The following LRBA variants were observed in gnomAD, a reference collection of about 807,000 sequenced individuals.
The protein encoded by LRBA is LPS responsive beige-like anchor protein.
LRBA carries 176 observed loss-of-function variants against 330.0 expected under a neutral mutation model. The ratio of observed to expected loss-of-function variants is 0.53; its 90% CI spans 0.47 to 0.60. LRBA has a LOEUF of 0.60. LRBA is among the 20% of genes least tolerant of loss of function. The pLI is 0.00. For missense variants in LRBA, 3,259 were observed against 3,444.8 expected (o/e 0.95, Z 1.35); for synonymous variants, 1,230 against 1,193.0 (o/e 1.03, Z -0.64).
In LRBA at chr4:150,753,355, A is replaced by G. The variant is rs1167636388; in HGVS notation, c.5645+8428T>C. 2.6e-5 allele frequency among the ~76,000 whole-genome samples: 4 copies of G among 152,242 alleles called. No homozygotes were observed. The South Asian group carries it at 8.3e-4, about 32-fold the overall frequency. ...ACCAGCACGTGGCCAGTATGGATTA[A>G]TATTTGCTGAACAAAGTGAATGACG... is the stretch of plus-strand genomic sequence containing the variant. On this transcript the variant is annotated intron_variant, in intron 35 of 56. Coordinates refer to ENST00000651943, the MANE Select transcript of LRBA (RefSeq NM_001364905.1).
intron 30 of LRBA, among the ~76,000 whole-genome samples, chr4:150,817,858 A>T (rs1744833854): frequency 6.6e-6 from 1 of 152,090 alleles, no homozygotes; most frequent in Non-Finnish European, 1.5e-5. Flanking sequence ...TTAAAATGTA[A>T]TACTTTATAC....
intron 2 of LRBA, among the ~76,000 whole-genome samples, chr4:150,946,785 A>G (rs544395714): frequency 1.3e-5 from 2 of 152,188 alleles, no homozygotes; most frequent in East Asian, 1.9e-4. Flanking sequence ...AACAATAATC[A>G]ATGAAGAGCT....
chr4:150,657,764 T>A (rs903287918), intron 37 of LRBA, among the ~76,000 whole-genome samples: 5 of 152,164 alleles, frequency 3.3e-5, no homozygotes, highest in African/African-American at 1.2e-4. Flanking sequence ...TAATAACACA[T>A]GTATGTTTAC....
chr4:150,333,011 A>T (rs1734185600), intron 48 of LRBA, among the ~76,000 whole-genome samples: 1 of 152,138 alleles, frequency 6.6e-6, no homozygotes. Context: ...AAAAAGAGAC[A>T]ATATATATAG....
chr4:150,286,027 A>G lies in LRBA; in HGVS notation c.8025T>C (p.Thr2675=). The G allele has an allele frequency of 2.6e-6, 4 of 1,568,302 alleles. No individual in the cohort carries two copies. Among genetic ancestry groups the G allele is most frequent in the Non-Finnish European group, 3.5e-6 (4 of 1,157,032 alleles). ...SGIGDNPGSE[T]AAPRAILTGH... is the part of the protein sequence containing the mutation. ...CGGTCAAAATGGCCCGAGGAGCAGCAGTCTCACCTTTAGGAAAAAACAGAT... is the reference window on the plus strand; with the variant it reads ...CGGTCAAAATGGCCCGAGGAGCAGCGGTCTCACCTTTAGGAAAAAACAGAT... Residue 2675 remains threonine (T), a synonymous_variant, in exon 54 of 57, where the codon ACT becomes ACC. Transcript: ENST00000651943.
intron 2 of LRBA, among the ~76,000 whole-genome samples, chr4:150,951,982 A>G (rs553385467): frequency 1.3e-5 from 2 of 152,364 alleles, no homozygotes; most frequent in Admixed American, 1.3e-4. Flanking sequence ...ATTAAAGTCT[A>G]ATAAGTTCAG....
At chr4:150,563,833 T>C (rs1390279049) in intron 40 of LRBA, among the ~76,000 whole-genome samples, 20 of 152,174 alleles carry the variant, frequency 1.3e-4, no homozygotes, top group Non-Finnish European at 2.9e-5. Flanking sequence ...ACAAGGGATG[T>C]GAAGAACCTC....
intron 40 of LRBA, among the ~76,000 whole-genome samples, chr4:150,528,506 A>G (rs1332294361): frequency 1.3e-5 from 2 of 152,030 alleles, no homozygotes; most frequent in Non-Finnish European, 2.9e-5. Context: ...ATCTCAAAAA[A>G]AAAAAAAAAG....
At chr4:150,776,354 A>G (rs1437987100) in intron 34 of LRBA, among the ~76,000 whole-genome samples, 2 of 152,156 alleles carry the variant, frequency 1.3e-5, no homozygotes, top group Admixed American at 6.5e-5. Context: ...ATTCAAGCAT[A>G]TCACTGTCAA....
At chr4:150,624,349 G>A (rs1776633573) in intron 37 of LRBA, among the ~76,000 whole-genome samples, 1 of 149,506 alleles carries the variant, frequency 6.7e-6, no homozygotes, top group African/African-American at 2.5e-5. Flanking sequence ...CTGGGCAATG[G>A]AGTGAGAGAC....
chr4:150,450,043 T>C (rs1423492382), intron 44 of LRBA, among the ~76,000 whole-genome samples: 1 of 150,070 alleles, frequency 6.7e-6, no homozygotes, highest in East Asian at 1.9e-4. Context: ...ATGTTGTCCA[T>C]AAAAAAAAAG....
chr4:150,946,716 A>G lies in LRBA; in HGVS notation c.217-17651T>C, dbSNP rs115276873. Among the ~76,000 whole-genome samples the G allele has an allele frequency of 2.8e-3, 430 of 152,204 alleles. 3 individuals carry two copies. The highest frequency in any genetic ancestry group is 0.01 in the African/African-American group (418 of 41,554). The stretch of plus-strand genomic sequence containing the variant: ...AGAAAAGCAAAATAAGCCCAAAACA[A>G]GCAGAAAGAAGGAAATAATAAAGAC... On this transcript the variant is annotated intron_variant, in intron 2 of 56. Coordinates refer to ENST00000651943, the MANE Select transcript of LRBA (RefSeq NM_001364905.1).
rs545195962 is a variant in LRBA at position 150,476,219 on chromosome 4, T to C, written c.6552-4480A>G. 2.0e-5 allele frequency among the ~76,000 whole-genome samples: 3 copies of C among 152,302 alleles called. No individual in the cohort carries two copies. The South Asian group carries it at 6.2e-4, about 32-fold the overall frequency. ...ATTGATTTGAGGAATTTATTTCAGA[T>C]ATGGGTGTTTAAAGCTGTAAATTTT... is the stretch of plus-strand genomic sequence containing the variant. On this transcript the variant is annotated intron_variant, in intron 42 of 56. Coordinates refer to ENST00000651943, the MANE Select transcript of LRBA (RefSeq NM_001364905.1).
Position 150,583,431 on chromosome 4 carries a change from G to A in LRBA, c.6330+4617C>T. ...GTAAGATCCGCTCGCGTTTCCAGAC[G>A]CTGGTGGCCCAGGCGGTGGACAAGT... On this transcript the variant is annotated intron_variant, in intron 40 of 56. Transcript: ENST00000651943. The surrounding 1 kb of genome is among the most constrained non-coding windows in gnomAD (Gnocchi z 9.8). The A allele has an allele frequency of 6.2e-7, 1 of 1,613,900 alleles. No homozygotes were observed. Among genetic ancestry groups the A allele is most frequent in the Non-Finnish European group, 8.5e-7 (1 of 1,180,040 alleles).
At chr4:150,736,467 T>C (rs1022416940) in intron 35 of LRBA, among the ~76,000 whole-genome samples, 9 of 151,518 alleles carry the variant, frequency 5.9e-5, no homozygotes, top group African/African-American at 1.2e-4. Flanking sequence ...TAAATAAATA[T>C]AAAAATAGAT....
At chr4:150,688,732 A>G (rs1214241205) in intron 36 of LRBA, among the ~76,000 whole-genome samples, 1 of 152,252 alleles carries the variant, frequency 6.6e-6, no homozygotes, top group Non-Finnish European at 1.5e-5. Context: ...AGAGAAATCC[A>G]AATCAAAACC....
intron 13 of LRBA, among the ~76,000 whole-genome samples, chr4:150,900,970 T>C (rs1006335762): frequency 1.3e-5 from 2 of 152,086 alleles, no homozygotes; most frequent in African/African-American, 4.8e-5. Flanking sequence ...AAAGAAATAA[T>C]ACAAGTGCTA....
chr4:150,618,848 G>GTATATATATATATATATATA (rs34589903), intron 37 of LRBA, among the ~76,000 whole-genome samples: 1 of 146,262 alleles, frequency 6.8e-6, no homozygotes, highest in African/African-American at 2.5e-5. Flanking sequence ...ATGTGTGTAT[G>GTATATATATATATATATATA]TATATATATA....
intron 40 of LRBA, among the ~76,000 whole-genome samples, chr4:150,547,553 C>T (rs1414069886): frequency 6.6e-6 from 1 of 152,120 alleles, no homozygotes; most frequent in Non-Finnish European, 1.5e-5. Flanking sequence ...TCCGCTTTCC[C>T]TCACATTCCC....
Sources: allele counts gnomAD v4.1 joint callset (sites outside exome capture counted in the v4.1 genomes callset), GRCh38; gene constraint gnomAD v4.1.1; non-coding constraint Gnocchi (gnomAD v3.1); transcripts MANE v1.5; gene names NCBI Gene and HGNC (gene_info 2026-07-23, HGNC 2026-07-21).